Variants in COL5A2 observed in about 807,000 individuals in gnomAD.
COL5A2 encodes the protein collagen type V alpha 2 chain.
A neutral mutation model predicts 208.2 loss-of-function variants in COL5A2; 23 were observed. That is an observed-to-expected ratio of 0.11 (90% confidence interval 0.08 to 0.16). COL5A2 has a LOEUF of 0.16. Ranked by LOEUF, COL5A2 falls within the 10% of genes least tolerant of loss-of-function variation. The probability of loss-of-function intolerance (pLI) is 1.00; values close to 1 mark genes in which losing one functional copy is unlikely to be tolerated. For missense variants in COL5A2, 1,590 were observed against 1,956.4 expected (o/e 0.81, Z 3.53); for synonymous variants, 625 against 628.5 (o/e 0.99, Z 0.08).
intron 1 of COL5A2, among the ~76,000 whole-genome samples, chr2:189,123,447 G>T (rs1202971464): frequency 5.3e-5 from 8 of 152,052 alleles, no homozygotes; most frequent in Admixed American, 1.3e-4. Flanking sequence ...TTAAGATGAG[G>T]TCATACTGGA....
intron 3 of COL5A2, 143 bp from the exon 4 acceptor site, chr2:189,100,282 C>G (rs1014557519): frequency 4.4e-6 from 3 of 677,606 alleles, no homozygotes; most frequent in East Asian, 5.5e-5. Context: ...AGAAAGTTAA[C>G]AATTTTTAGG....
At chr2:189,244,746 C>T in the COL5A2 span, among the ~76,000 whole-genome samples, 1 of 152,240 alleles carries the variant, frequency 6.6e-6, no homozygotes, top group Non-Finnish European at 1.5e-5. Flanking sequence ...TCCAAAGTTG[C>T]TTCCACATTT....
At chr2:189,277,008 T>C in the COL5A2 span, among the ~76,000 whole-genome samples, 7 of 152,150 alleles carry the variant, frequency 4.6e-5, no homozygotes, top group Admixed American at 1.3e-4. Flanking sequence ...GTAAAACACA[T>C]CTGCATTTGA....
Position 189,054,172 on chromosome 2 carries a change from G to A in COL5A2, c.2432C>T (p.Pro811Leu). Residue 811 changes from proline to leucine, a missense_variant, in exon 36 of 54, where the codon CCT (proline) becomes CTT (leucine). By Grantham distance (98) the Pro-to-Leu change is moderately conservative (BLOSUM62 -3). Transcript: ENST00000374866. The part of the protein sequence containing the change: ...GPLGPPGPAG[P>L]TGEKGEPGPR... Reference sequence around the variant, plus strand: ...CTTGTGACTTACCTTTTCTCCAGTAGGACCTGCCGGACCTGGAGGGCCCAA... The same window carrying A: ...CTTGTGACTTACCTTTTCTCCAGTAAGACCTGCCGGACCTGGAGGGCCCAA... The A allele has an allele frequency of 6.2e-7, 1 of 1,613,998 alleles. No homozygotes were observed. The highest frequency in any genetic ancestry group is 8.5e-7 in the Non-Finnish European group (1 of 1,179,926).
intron 2 of COL5A2, among the ~76,000 whole-genome samples, chr2:189,104,703 G>A (rs772251686): frequency 2.0e-5 from 3 of 151,678 alleles, no homozygotes; most frequent in Non-Finnish European, 4.4e-5. Context: ...CTGGTCCTGT[G>A]TTCCCTATTT....
chr2:189,405,240 C>CT, the COL5A2 span, among the ~76,000 whole-genome samples: 14 of 142,482 alleles, frequency 9.8e-5, no homozygotes, highest in African/African-American at 3.3e-4. Context: ...CCTTTTTTTT[C>CT]TTTTTTTTTT....
the COL5A2 span, among the ~76,000 whole-genome samples, chr2:189,377,755 T>C: frequency 3.3e-5 from 5 of 152,156 alleles, no homozygotes; most frequent in Non-Finnish European, 7.4e-5. Flanking sequence ...AAGTTATGAA[T>C]ATAAAACTGA....
At chr2:189,245,745 G>A in the COL5A2 span, among the ~76,000 whole-genome samples, 1 of 152,000 alleles carries the variant, frequency 6.6e-6, no homozygotes, top group South Asian at 2.1e-4. Context: ...AAGTGCTGGG[G>A]ATCTATCACA....
the COL5A2 span, among the ~76,000 whole-genome samples, chr2:189,268,747 G>T: frequency 6.6e-6 from 1 of 151,916 alleles, no homozygotes; most frequent in African/African-American, 2.4e-5. Flanking sequence ...TGTCTATTTT[G>T]TAACAATTAA....
At chr2:189,045,128 T>C in intron 47 of COL5A2, 51 bp downstream of exon 47, 1 of 1,250,968 alleles carries the variant, frequency 8.0e-7, no homozygotes, top group South Asian at 1.4e-5. Flanking sequence ...TCTTTGGGAG[T>C]ATATTTTATA....
chr2:189,133,114 C>CAT (rs1160294453), intron 1 of COL5A2: 3 of 63,428 alleles, frequency 4.7e-5, no homozygotes, highest in Non-Finnish European at 9.3e-5. Context: ...CCAAGTACGA[C>CAT]TTTTTTTTTT....
intron 1 of COL5A2, among the ~76,000 whole-genome samples, chr2:189,195,309 A>T (rs557707729): frequency 9.8e-5 from 15 of 152,328 alleles, no homozygotes; most frequent in African/African-American, 3.6e-4. Flanking sequence ...TCAAGAAAAT[A>T]AGAGAGGACA....
intron 1 of COL5A2, among the ~76,000 whole-genome samples, chr2:189,174,085 C>T (rs1036712060): frequency 6.6e-6 from 1 of 152,194 alleles, no homozygotes. Flanking sequence ...TTAAAAACTA[C>T]ATTCTGTGGC....
At chr2:189,434,126 A>G in the COL5A2 span, among the ~76,000 whole-genome samples, 1 of 151,688 alleles carries the variant, frequency 6.6e-6, no homozygotes, top group Non-Finnish European at 1.5e-5. Context: ...AAAAAATTCA[A>G]CAGCCCTTCA....
chr2:189,300,726 G>T, the COL5A2 span, among the ~76,000 whole-genome samples: 1 of 152,220 alleles, frequency 6.6e-6, no homozygotes, highest in Admixed American at 6.5e-5. Flanking sequence ...CATCCATACT[G>T]CAATAGGCAT....
the COL5A2 span, among the ~76,000 whole-genome samples, chr2:189,353,698 T>C: frequency 1.3e-5 from 2 of 152,188 alleles, no homozygotes; most frequent in African/African-American, 4.8e-5. Context: ...GCTGAGAGGA[T>C]GGGGTTTTCT....
At chr2:189,253,344 C>T in the COL5A2 span, among the ~76,000 whole-genome samples, 529 of 152,286 alleles carry the variant, frequency 3.5e-3, 3 homozygotes, top group African/African-American at 0.012. Context: ...ATCTCTCTTA[C>T]ATTCATTTTC....
At chr2:189,372,314 C>T in the COL5A2 span, among the ~76,000 whole-genome samples, 1 of 152,140 alleles carries the variant, frequency 6.6e-6, no homozygotes, top group Non-Finnish European at 1.5e-5. Flanking sequence ...ACCAGTAGTA[C>T]CGGATGATCA....
the COL5A2 span, among the ~76,000 whole-genome samples, chr2:189,331,949 C>CA: frequency 0.22 from 18,715 of 83,234 alleles, 1,568 homozygotes; most frequent in South Asian, 0.28. Flanking sequence ...GACTCCGTCT[C>CA]AAAAAAAAAA....
Sources: allele counts gnomAD v4.1 joint callset (sites outside exome capture counted in the v4.1 genomes callset), GRCh38; gene constraint gnomAD v4.1.1; transcripts MANE v1.5; gene names NCBI Gene and HGNC (gene_info 2026-07-23, HGNC 2026-07-21).